RALGAPB: variants seen among roughly 807,000 people sequenced by gnomAD.
The protein encoded by RALGAPB is ral GTPase-activating protein subunit beta.
In RALGAPB, 25 loss-of-function variants were observed where a neutral mutation model predicts 161.1. The observed-to-expected ratio is 0.16, with a 90% CI of 0.11 to 0.22. The LOEUF is 0.22. RALGAPB is among the 10% of genes least tolerant of loss of function. RALGAPB has a pLI of 1.00. For synonymous variants in RALGAPB, 629 were observed against 626.1 expected (o/e 1.00, Z -0.07); for missense variants, 1,391 against 1,815.2 (o/e 0.77, Z 4.25).
At chr20:38,569,235 C>G (rs2088132620) in intron 26 of RALGAPB, 1 of 152,284 alleles carries the variant, frequency 6.6e-6, no homozygotes, top group Non-Finnish European at 1.5e-5. Flanking sequence ...GGCTTTAGCA[C>G]AAACTTAGCT....
At chr20:38,534,182 T>A (rs1201821244) in intron 15 of RALGAPB, among the ~76,000 whole-genome samples, 2 of 150,774 alleles carry the variant, frequency 1.3e-5, no homozygotes, top group Admixed American at 6.6e-5. Flanking sequence ...AAAAAAGAAA[T>A]TTTTCATTAC....
intron 22 of RALGAPB, among the ~76,000 whole-genome samples, chr20:38,556,862 G>A (rs1283520190): frequency 1.3e-5 from 2 of 152,182 alleles, no homozygotes; most frequent in Non-Finnish European, 2.9e-5. Context: ...TATATTTGTA[G>A]TAAATTCATT....
At chr20:38,572,966 C>T (rs1352438539) in intron 28 of RALGAPB, among the ~76,000 whole-genome samples, 3 of 151,924 alleles carry the variant, frequency 2.0e-5, no homozygotes, top group Admixed American at 2.0e-4. Flanking sequence ...GTCCTTTTTT[C>T]TTTATGACAC....
In RALGAPB at chr20:38,570,832, G is replaced by A. The variant is rs758706030; in HGVS notation, c.4127G>A (p.Ser1376Asn). ...ACTGGTGTGGAAACTACTGCAAATA[G>A]TAGCACTTCACTGAGGTACACTCTA... ...ISTGVETTAN[S>N]STSLRSTTLE... The change falls in exon 28 of 30, where the codon AGT becomes AAT. Residue 1376 changes from serine (S) to asparagine (N), a missense_variant. By Grantham distance (46) the Ser-to-Asn change is conservative. Coordinates refer to ENST00000262879, the MANE Select transcript of RALGAPB (RefSeq NM_020336.4). 6.2e-7 allele frequency: 1 copy of A among 1,605,654 alleles called. No homozygotes were observed. The highest frequency in any genetic ancestry group is 1.1e-5 in the South Asian group (1 of 90,678).
intron 15 of RALGAPB, among the ~76,000 whole-genome samples, chr20:38,534,849 G>A (rs993390418): frequency 2.0e-5 from 3 of 152,316 alleles, no homozygotes; most frequent in Admixed American, 1.3e-4. Flanking sequence ...GTCAAAGTGC[G>A]TGAACCAGGA....
chr20:38,502,307 C>T (rs889670380), intron 5 of RALGAPB, among the ~76,000 whole-genome samples: 7 of 152,072 alleles, frequency 4.6e-5, no homozygotes, highest in Admixed American at 6.5e-5. Flanking sequence ...ATTTATTTTT[C>T]GTCATATTTA....
intron 18 of RALGAPB, 88 bp downstream of exon 18, chr20:38,541,280 C>T: frequency 1.5e-6 from 2 of 1,319,000 alleles, no homozygotes; most frequent in Middle Eastern, 2.3e-4. Flanking sequence ...CCTGATTGTT[C>T]AGCATTGCGT....
At chr20:38,554,317 C>T (rs1458391229) in intron 22 of RALGAPB, among the ~76,000 whole-genome samples, 1 of 152,084 alleles carries the variant, frequency 6.6e-6, no homozygotes, top group Non-Finnish European at 1.5e-5. Flanking sequence ...GATGATACAT[C>T]TAACTCTGAA....
chr20:38,550,470 GCA>G (rs566026386), intron 20 of RALGAPB, among the ~76,000 whole-genome samples: 225 of 152,264 alleles, frequency 1.5e-3, no homozygotes, highest in African/African-American at 5.3e-3. Flanking sequence ...GCAGTACAGA[GCA>G]CATCCTGTCA....
At chr20:38,478,473 T>C (rs949935769) in intron 1 of RALGAPB, among the ~76,000 whole-genome samples, 1 of 152,104 alleles carries the variant, frequency 6.6e-6, no homozygotes, top group African/African-American at 2.4e-5. Flanking sequence ...CAGGCTAGAG[T>C]GCAGTGGCGT....
intron 28 of RALGAPB, 61 bp from the exon 29 acceptor site, chr20:38,574,089 C>G: frequency 6.7e-7 from 1 of 1,501,960 alleles, no homozygotes. Context: ...GACTTCAACT[C>G]TTGGGTGTCT....
chr20:38,482,974 A>C (rs1007497346), intron 1 of RALGAPB, among the ~76,000 whole-genome samples: 6 of 152,146 alleles, frequency 3.9e-5, no homozygotes, highest in Non-Finnish European at 7.3e-5. Context: ...TGTAGCCCCA[A>C]CACCAGGATC....
chr20:38,496,113 A>G (rs1430727003), intron 3 of RALGAPB, among the ~76,000 whole-genome samples: 3 of 152,084 alleles, frequency 2.0e-5, no homozygotes, highest in African/African-American at 7.2e-5. Flanking sequence ...ATCCACCTTT[A>G]CTAGATCCAC....
At chr20:38,520,838 A>G (rs1389285374) in intron 9 of RALGAPB, among the ~76,000 whole-genome samples, 1 of 152,196 alleles carries the variant, frequency 6.6e-6, no homozygotes, top group African/African-American at 2.4e-5. Context: ...GTGATAACAA[A>G]TGACCATGAT....
At chr20:38,520,437 T>G (rs1184265251) in intron 9 of RALGAPB, among the ~76,000 whole-genome samples, 1 of 151,900 alleles carries the variant, frequency 6.6e-6, no homozygotes, top group Non-Finnish European at 1.5e-5. Context: ...CAAGAGCAAA[T>G]TAATCTGCCT....
intron 25 of RALGAPB, 54 bp downstream of exon 25, chr20:38,565,532 T>C (rs1033102492): frequency 1.3e-6 from 2 of 1,576,816 alleles, no homozygotes; most frequent in Admixed American, 3.5e-5. Flanking sequence ...TATTCCTGGG[T>C]TGTGTGATAT....
At chr20:38,516,643 T>A (rs553191822) in intron 7 of RALGAPB, 6 of 304,654 alleles carry the variant, frequency 2.0e-5, no homozygotes, top group African/African-American at 8.6e-5. Flanking sequence ...ACCTAATACA[T>A]CAAACAAAGT....
chr20:38,521,798 C>T, intron 10 of RALGAPB, 100 bp downstream of exon 10: 2 of 1,194,842 alleles, frequency 1.7e-6, no homozygotes, highest in Non-Finnish European at 2.4e-6. Flanking sequence ...GTCTGAAATA[C>T]CTACAGATGT....
intron 6 of RALGAPB, among the ~76,000 whole-genome samples, chr20:38,510,172 A>C (rs1360898694): frequency 6.6e-6 from 1 of 151,618 alleles, no homozygotes; most frequent in East Asian, 1.9e-4. Flanking sequence ...ACACAGACAC[A>C]CGCATGCATG....
Sources: allele counts gnomAD v4.1 joint callset (sites outside exome capture counted in the v4.1 genomes callset), GRCh38; gene constraint gnomAD v4.1.1; transcripts MANE v1.5; gene names NCBI Gene and HGNC (gene_info 2026-07-23, HGNC 2026-07-21).